CDCA8: variants seen among roughly 807,000 people sequenced by gnomAD.
CDCA8 encodes the protein cell division cycle associated 8.
Under a neutral mutation model 40.0 loss-of-function variants are expected in CDCA8, and 25 were observed. That is an observed-to-expected ratio of 0.63 (90% CI 0.46 to 0.87). The LOEUF is 0.87. Ranked by LOEUF, CDCA8 falls within the 40% of genes least tolerant of loss-of-function variation. The pLI is 0.00. For synonymous variants in CDCA8, 111 were observed against 126.5 expected, an observed-to-expected ratio of 0.88 and a Z score of 0.82; for missense variants, 280 against 348.4, an observed-to-expected ratio of 0.80 and a Z score of 1.56.
intron 6 of CDCA8, 98 bp downstream of exon 6, chr1:37,701,916 A>C (rs1450322454): frequency 1.1e-6 from 1 of 874,992 alleles, no homozygotes; most frequent in Non-Finnish European, 1.9e-6. Flanking sequence ...TCTGGTGGCT[A>C]GTGTTTGAAA....
At chr1:37,702,403 C>A (rs1023384569) in intron 6 of CDCA8, among the ~76,000 whole-genome samples, 5 of 151,938 alleles carry the variant, frequency 3.3e-5, no homozygotes, top group African/African-American at 9.7e-5. Context: ...TGTCACTTAC[C>A]TATAATTGGT....
chr1:37,706,048 A>T (rs1448725778), intron 8 of CDCA8, among the ~76,000 whole-genome samples: 1 of 149,044 alleles, frequency 6.7e-6, no homozygotes, highest in Admixed American at 6.7e-5. Context: ...TGACCTCGTG[A>T]TCCGCCCTCC....
chr1:37,707,970 G>C (rs1383561194), intron 9 of CDCA8, among the ~76,000 whole-genome samples: 2 of 152,172 alleles, frequency 1.3e-5, no homozygotes, highest in Non-Finnish European at 2.9e-5. Context: ...TCCTTCTGTG[G>C]GGTCTGAAGG....
At position 37,692,539 on chromosome 1, in the gene CDCA8, C is replaced by T. The variant is rs2306625; in HGVS notation, c.-152C>T. On this transcript the variant is annotated 5_prime_UTR_variant, in exon 1 of 10. Coordinates refer to ENST00000373055, the MANE Select transcript of CDCA8 (RefSeq NM_001256875.2). ...CTGTAGAGCCGCTCTCTCTCACTGGCACAGCGAGGTTTTGCTCAGCCCTTG... is the reference window on the plus strand; with the variant it reads ...CTGTAGAGCCGCTCTCTCTCACTGGTACAGCGAGGTTTTGCTCAGCCCTTG... 0.25 allele frequency: 161,686 copies of T among 655,110 alleles called. 25,084 individuals carry two copies. Among genetic ancestry groups the T allele is most frequent in the East Asian group, 0.67 (24,402 of 36,530 alleles). 40.6% of individuals were successfully genotyped at this position (655,110 alleles called of 1,614,324 possible). A position where few individuals can be genotyped will look rare whatever the true frequency, so the allele number is the denominator to read the frequency against.
intron 4 of CDCA8, 82 bp from the exon 5 acceptor site, chr1:37,700,353 AC>A: frequency 1.2e-6 from 1 of 807,226 alleles, no homozygotes. Flanking sequence ...AAGATTGTGT[AC>A]ATTTTATTCC....
chr1:37,693,007 G>A lies in CDCA8; in HGVS notation c.197G>A (p.Arg66His). The change falls in exon 2 of 10, where the codon CGC becomes CAC. Residue 66 changes from arginine to histidine, a missense_variant. Physicochemically the swap from Arg to His is conservative, Grantham distance 29. Transcript: ENST00000373055. ...ATCCTGCGGCTCCCCAAGGCTCTGC[G>A]CGAGATGAACTGGCTTGACTACTTC... ...IEILRLPKAL[R>H]EMNWLDYFAL... The A allele has an allele frequency of 6.2e-7, 1 of 1,614,104 alleles. No homozygotes were observed. The highest frequency in any genetic ancestry group is 8.5e-7 in the Non-Finnish European group (1 of 1,180,008).
intron 7 of CDCA8, among the ~76,000 whole-genome samples, chr1:37,703,589 G>A (rs1426967547): frequency 1.3e-5 from 2 of 152,146 alleles, no homozygotes; most frequent in Non-Finnish European, 2.9e-5. Flanking sequence ...GGTGGTGCAC[G>A]CCTGTAATCC....
chr1:37,701,399 G>A (rs577142325), intron 5 of CDCA8, among the ~76,000 whole-genome samples: 8 of 152,262 alleles, frequency 5.3e-5, no homozygotes, highest in African/African-American at 1.4e-4. Flanking sequence ...CCCCAGGAAG[G>A]GAGCACTGCA....
Position 37,692,756 on chromosome 1 carries a change from C to G in CDCA8, c.66C>G (p.Ala22=), listed in dbSNP as rs775164073. 6.2e-7 allele frequency: 1 copy of G among 1,613,634 alleles called. No individual in the cohort carries two copies. Among genetic ancestry groups the G allele is most frequent in the South Asian group, 1.1e-5 (1 of 91,076 alleles). The change falls in exon 1 of 10, where the codon GCC becomes GCG. Residue 22 remains alanine (A), a synonymous_variant. Transcript: ENST00000373055. ...KTNSLRRRKL[A]SFLKDFDREV... ...ACTCCTTACGGAGGCGGAAGCTCGC[C>G]TCCTTTCTGAAAGACTTCGACCGTG...
chr1:37,698,763 T>G, intron 3 of CDCA8, 142 bp from the exon 4 acceptor site: 2 of 591,262 alleles, frequency 3.4e-6, no homozygotes, highest in South Asian at 2.2e-5. Flanking sequence ...TTTATGGGAG[T>G]TTGCTATATT....
Position 37,705,316 on chromosome 1 carries a change from C to T in CDCA8, c.585-125C>T, listed in dbSNP as rs1384516264. ...ACATTTTTTTTTTCTAAATTTAGAA[C>T]GTGCTTTCTTAGGAATGTATGACTT... On this transcript the variant is annotated intron_variant, in intron 7 of 9. Transcript: ENST00000373055. 3.6e-5 allele frequency: 27 copies of T among 758,486 alleles called. 1 individual carries two copies. The highest frequency in any genetic ancestry group is 3.5e-4 in the South Asian group (17 of 48,438). 47.0% of individuals were successfully genotyped at this position (758,486 alleles called of 1,614,324 possible).
chr1:37,703,142 G>A (rs1009243576), intron 6 of CDCA8, 110 bp from the exon 7 acceptor site: 16 of 831,116 alleles, frequency 1.9e-5, no homozygotes, highest in African/African-American at 1.5e-4. Context: ...CGATGTGTGC[G>A]AGGCGCCCGG....
At chr1:37,693,067 AGG>A (rs1645484156) in intron 2 of CDCA8, 34 bp downstream of exon 2, 13 of 1,609,384 alleles carry the variant, frequency 8.1e-6, no homozygotes, top group Middle Eastern at 1.7e-4. Context: ...GGCGGAGGCC[AGG>A]AGCCCCTTGG....
intron 3 of CDCA8, among the ~76,000 whole-genome samples, chr1:37,697,975 G>T (rs1035093689): frequency 6.6e-6 from 1 of 152,094 alleles, no homozygotes; most frequent in Non-Finnish European, 1.5e-5. Flanking sequence ...GTTCTATAAG[G>T]AAAGGACTGT....
rs745978187 is a variant in CDCA8, at chr1:37,701,833, A to G, written c.488+15A>G. On this transcript the variant is annotated intron_variant, in intron 6 of 9. Transcript: ENST00000373055. ...AAAGGGAAAAGGTAGTGGATTTTCT[A>G]AAGTTGTGGTGTTTTGGGTTTTATT... 1.9e-6 allele frequency: 3 copies of G among 1,604,724 alleles called. No homozygotes were observed. The South Asian group carries it at 3.3e-5, about 18-fold the overall frequency.
At position 37,697,589 on chromosome 1, in the gene CDCA8, TAA is replaced by T. The variant is rs536238299; in HGVS notation, c.265-1315_265-1314del. On this transcript the variant is annotated intron_variant, in intron 3 of 9. Transcript: ENST00000373055. ...GTTTAGGCACAGTGAGGCATCTTGTTAAGGAAAGGTGGGAATCTTTCTGAAAT... is the reference window on the plus strand; with the variant it reads ...GTTTAGGCACAGTGAGGCATCTTGTTGGAAAGGTGGGAATCTTTCTGAAAT... 5.4e-3 allele frequency among the ~76,000 whole-genome samples: 818 copies of T among 152,330 alleles called. 10 individuals carry two copies. Among genetic ancestry groups the T allele is most frequent in the African/African-American group, 0.019 (786 of 41,562 alleles).
At chr1:37,701,672 T>TAA in intron 5 of CDCA8, 82 bp from the exon 6 acceptor site, 42 of 798,590 alleles carry the variant, frequency 5.3e-5, no homozygotes, top group East Asian at 2.1e-4. Context: ...TCTTAATGCT[T>TAA]TAAAAAAAAA....
At chr1:37,704,092 GC>G (rs1645582806) in intron 7 of CDCA8, among the ~76,000 whole-genome samples, 1 of 151,964 alleles carries the variant, frequency 6.6e-6, no homozygotes, top group African/African-American at 2.4e-5. Flanking sequence ...ATGCCACCAT[GC>G]CTGGCTAATT....
intron 8 of CDCA8, among the ~76,000 whole-genome samples, chr1:37,706,323 G>T (rs1488477119): frequency 6.6e-6 from 1 of 151,796 alleles, no homozygotes; most frequent in Non-Finnish European, 1.5e-5. Flanking sequence ...GGTCAAGCTG[G>T]TCTCAAACTC....
Sources: allele counts gnomAD v4.1 joint callset (sites outside exome capture counted in the v4.1 genomes callset), GRCh38; gene constraint gnomAD v4.1.1; transcripts MANE v1.5; gene names NCBI Gene and HGNC (gene_info 2026-07-23, HGNC 2026-07-21).